JAK1: variants seen among roughly 807,000 people sequenced by gnomAD.
JAK1 encodes the protein Janus kinase 1, also known as tyrosine-protein kinase JAK1.
In JAK1, 16 loss-of-function variants were observed where a neutral mutation model predicts 136.6. The observed-to-expected ratio is 0.12, with a 90% confidence interval of 0.08 to 0.18. JAK1 has a LOEUF of 0.18. Ranked by LOEUF, JAK1 falls within the 10% of genes least tolerant of loss-of-function variation. The probability of loss-of-function intolerance (pLI) is 1.00; values close to 1 mark genes in which losing one functional copy is unlikely to be tolerated. For missense variants in JAK1, 859 were observed against 1,450.1 expected, an observed-to-expected ratio of 0.59 and a Z score of 6.62; for synonymous variants, 492 against 519.5, an observed-to-expected ratio of 0.95 and a Z score of 0.72.
intron 5 of JAK1, among the ~76,000 whole-genome samples, chr1:64,870,763 A>T (rs74080776): frequency 0.014 from 2,165 of 152,196 alleles, 37 homozygotes; most frequent in African/African-American, 0.048. Context: ...GAGGGCTCCC[A>T]CTGCTCCCGT....
In JAK1 at chr1:64,833,237, T is replaced by TTAG; in HGVS notation, c.*1322_*1324dup. The TTAG allele has an allele frequency of 4.5e-6, 1 of 223,790 alleles. No individual in the cohort carries two copies. Among genetic ancestry groups the TTAG allele is most frequent in the Non-Finnish European group, 8.9e-6 (1 of 111,772 alleles). 13.9% of individuals were successfully genotyped at this position (223,790 alleles called of 1,614,324 possible). The stretch of plus-strand genomic sequence containing the variant: ...TAAAAGGCATATGCATGTAAAGTCT[T>TTAG]TAGTATATTTATTTGTATAAAGAGT... On this transcript the variant is annotated 3_prime_UTR_variant, in exon 25 of 25. Coordinates refer to ENST00000342505, the MANE Select transcript of JAK1 (RefSeq NM_002227.4).
intron 1 of JAK1, among the ~76,000 whole-genome samples, chr1:64,913,980 G>A (rs977876590): frequency 7.2e-5 from 11 of 152,300 alleles, no homozygotes; most frequent in Admixed American, 7.2e-4. Context: ...TGGGGGGTGA[G>A]TGGCCAGACA....
intron 1 of JAK1, among the ~76,000 whole-genome samples, chr1:64,928,797 C>CAAAAAAAAAA (rs397953329): frequency 2.6e-4 from 21 of 80,808 alleles, no homozygotes; most frequent in Middle Eastern, 7.6e-3. Flanking sequence ...AAAAAAAAAA[C>CAAAAAAAAAA]AAAAAAAAAA....
chr1:64,839,513 A>C, intron 20 of JAK1, 90 bp downstream of exon 20: 1 of 1,115,254 alleles, frequency 9.0e-7, no homozygotes, highest in East Asian at 2.5e-5. Flanking sequence ...ACGCCCAGGT[A>C]AGGCCACGGA....
intron 1 of JAK1, among the ~76,000 whole-genome samples, chr1:64,951,027 T>C (rs1646077027): frequency 1.3e-5 from 2 of 152,202 alleles, no homozygotes; most frequent in Admixed American, 1.3e-4. Flanking sequence ...CTAATAACCC[T>C]TAAACAGTAT....
chr1:65,053,608 T>C (rs773160956), intron 1 of JAK1, among the ~76,000 whole-genome samples: 1 of 152,218 alleles, frequency 6.6e-6, no homozygotes, highest in Non-Finnish European at 1.5e-5. Context: ...CCCAGCACTT[T>C]GGGAGGCCAA....
chr1:64,960,025 G>A (rs1427661987), intron 1 of JAK1, among the ~76,000 whole-genome samples: 4 of 152,050 alleles, frequency 2.6e-5, no homozygotes, highest in African/African-American at 9.7e-5. Flanking sequence ...CCAGGAGTTC[G>A]AGACCAGCCT....
intron 1 of JAK1, among the ~76,000 whole-genome samples, chr1:64,954,698 T>C (rs893387935): frequency 6.6e-6 from 1 of 152,200 alleles, no homozygotes; most frequent in Admixed American, 6.5e-5. Flanking sequence ...TATATAAATA[T>C]AAAAGATATA....
intron 2 of JAK1, chr1:64,985,989 T>G (rs542764796): frequency 1.5e-6 from 2 of 1,301,992 alleles, no homozygotes; most frequent in East Asian, 5.1e-5. Context: ...TATGATCATC[T>G]CAGGAGCATT....
chr1:64,848,915 C>A (rs1018712196), intron 12 of JAK1, among the ~76,000 whole-genome samples: 1 of 152,204 alleles, frequency 6.6e-6, no homozygotes, highest in Non-Finnish European at 1.5e-5. Context: ...ATGCATCCAC[C>A]CTGTCTGCTG....
At chr1:64,886,201 C>T (rs1644849758) in intron 2 of JAK1, 58 bp downstream of exon 2, 1 of 1,148,902 alleles carries the variant, frequency 8.7e-7, no homozygotes, top group Non-Finnish European at 1.3e-6. Flanking sequence ...AACACGGTTT[C>T]ATCAATTTTT....
At chr1:65,020,736 A>T (rs1223182349) in intron 2 of JAK1, among the ~76,000 whole-genome samples, 1 of 152,184 alleles carries the variant, frequency 6.6e-6, no homozygotes, top group Non-Finnish European at 1.5e-5. Flanking sequence ...TTAGGGCTCC[A>T]CTAGAAAAGA....
At chr1:64,859,461 C>T (rs1333655731) in intron 9 of JAK1, among the ~76,000 whole-genome samples, 2 of 152,212 alleles carry the variant, frequency 1.3e-5, no homozygotes, top group Admixed American at 1.3e-4. Context: ...TACTTCAGCA[C>T]AGGCTGCCAG....
At chr1:64,889,105 A>G (rs1644896458) in intron 1 of JAK1, among the ~76,000 whole-genome samples, 1 of 152,234 alleles carries the variant, frequency 6.6e-6, no homozygotes, top group Non-Finnish European at 1.5e-5. Flanking sequence ...AATAAACCAG[A>G]CAATGTGATC....
chr1:65,051,158 A>G (rs1332403187), intron 1 of JAK1, among the ~76,000 whole-genome samples: 2 of 150,408 alleles, frequency 1.3e-5, no homozygotes, highest in Non-Finnish European at 3.0e-5. Flanking sequence ...CTATTAGAAT[A>G]GCTTGAGACC....
At chr1:64,911,566 A>C (rs1429837697) in intron 1 of JAK1, among the ~76,000 whole-genome samples, 1 of 152,204 alleles carries the variant, frequency 6.6e-6, no homozygotes, top group Non-Finnish European at 1.5e-5. Context: ...GGTTTTGCAA[A>C]GAGAAGTATC....
intron 2 of JAK1, among the ~76,000 whole-genome samples, chr1:64,884,842 A>G (rs1175930562): frequency 6.6e-6 from 1 of 152,200 alleles, no homozygotes; most frequent in Admixed American, 6.5e-5. Flanking sequence ...AGGAAATTTA[A>G]GCATCTTATG....
intron 2 of JAK1, chr1:64,979,951 TG>T (rs1385551383): frequency 6.6e-6 from 1 of 152,334 alleles, no homozygotes; most frequent in East Asian, 1.9e-4. Context: ...GGTTTATTTT[TG>T]TGTCTGAAAT....
At chr1:65,015,172 G>A (rs991135199) in intron 2 of JAK1, among the ~76,000 whole-genome samples, 6 of 152,078 alleles carry the variant, frequency 3.9e-5, no homozygotes, top group African/African-American at 1.5e-4. Context: ...TGAGGTACAA[G>A]AAAGAATGAA....
Sources: allele counts gnomAD v4.1 joint callset (sites outside exome capture counted in the v4.1 genomes callset), GRCh38; gene constraint gnomAD v4.1.1; transcripts MANE v1.5; gene names NCBI Gene and HGNC (gene_info 2026-07-23, HGNC 2026-07-21).